The following SLC14A2 variants were observed in gnomAD, a reference collection of about 807,000 sequenced individuals.
SLC14A2 encodes urea transporter 2.
A neutral mutation model predicts 104.6 loss-of-function variants in SLC14A2; 91 were observed. That is an observed-to-expected ratio of 0.87 (90% CI 0.73 to 1.04). The LOEUF (loss-of-function observed/expected upper bound fraction) is 1.04. Ranked by LOEUF, SLC14A2 falls within the 50% of genes least tolerant of loss-of-function variation. The pLI is 0.00. For missense variants in SLC14A2, 1,189 were observed against 1,156.0 expected (o/e 1.03, Z -0.41); for synonymous variants, 476 against 466.4 (o/e 1.02, Z -0.27).
chr18:45,237,028 G>A (rs73425912), intron 1 of SLC14A2, among the ~76,000 whole-genome samples: 22,705 of 152,040 alleles, frequency 0.15, 2,253 homozygotes, highest in African/African-American at 0.29. Flanking sequence ...ACTGTAACTC[G>A]GAGGTCACAA....
intron 1 of SLC14A2, among the ~76,000 whole-genome samples, chr18:45,465,818 AG>A (rs2087131198): frequency 6.6e-6 from 1 of 152,178 alleles, no homozygotes; most frequent in African/African-American, 2.4e-5. Context: ...GGACTCTGGA[AG>A]GGCATGGATG....
chr18:45,273,657 A>T (rs886315474), intron 1 of SLC14A2, among the ~76,000 whole-genome samples: 89 of 152,156 alleles, frequency 5.8e-4, no homozygotes, highest in African/African-American at 2.1e-3. Context: ...GGGTGTGCAA[A>T]TGAAGTCCAA....
At chr18:45,275,779 T>C (rs1242867695) in intron 1 of SLC14A2, among the ~76,000 whole-genome samples, 1 of 152,184 alleles carries the variant, frequency 6.6e-6, no homozygotes, top group African/African-American at 2.4e-5. Context: ...AAGTGATCAG[T>C]TGTTTACTAT....
At chr18:45,641,937 C>T (rs187372516) in intron 8 of SLC14A2, among the ~76,000 whole-genome samples, 1 of 152,214 alleles carries the variant, frequency 6.6e-6, no homozygotes, top group African/African-American at 2.4e-5. Flanking sequence ...ATCCCAGCAC[C>T]ATACCCTGTT....
intron 1 of SLC14A2, among the ~76,000 whole-genome samples, chr18:45,279,341 T>C (rs775789252): frequency 1.3e-5 from 2 of 152,188 alleles, no homozygotes; most frequent in Admixed American, 6.5e-5. Flanking sequence ...AAGGTGAAGT[T>C]TCCTCGTACT....
chr18:45,663,151 A>G (rs145861632), intron 10 of SLC14A2, among the ~76,000 whole-genome samples: 86 of 152,278 alleles, frequency 5.6e-4, no homozygotes, highest in African/African-American at 1.9e-3. Context: ...TTGTTAAAAT[A>G]CAGATTCTGA....
chr18:45,582,991 G>T (rs1041701571), intron 2 of SLC14A2, among the ~76,000 whole-genome samples: 3 of 152,148 alleles, frequency 2.0e-5, no homozygotes, highest in African/African-American at 7.2e-5. Context: ...TCAAAGCTTT[G>T]TTTCTTGCAT....
intron 1 of SLC14A2, among the ~76,000 whole-genome samples, chr18:45,477,053 A>G (rs2087394994): frequency 6.6e-6 from 1 of 152,180 alleles, no homozygotes. Flanking sequence ...CCTTTGGAGA[A>G]GAGGAGTTCT....
intron 16 of SLC14A2, among the ~76,000 whole-genome samples, chr18:45,672,308 T>C (rs1301704763): frequency 6.6e-6 from 1 of 152,160 alleles, no homozygotes. Context: ...GGCAGGCGGA[T>C]CACCTGAGGT....
chr18:45,653,132 G>C (rs1321626397), intron 10 of SLC14A2, among the ~76,000 whole-genome samples: 1 of 151,962 alleles, frequency 6.6e-6, no homozygotes, highest in Non-Finnish European at 1.5e-5. Context: ...AAACGTGAAG[G>C]CTCCGTGTTA....
intron 1 of SLC14A2, among the ~76,000 whole-genome samples, chr18:45,445,970 AG>A (rs2086762858): frequency 6.6e-6 from 1 of 152,248 alleles, no homozygotes; most frequent in African/African-American, 2.4e-5. Flanking sequence ...AAGGCAGAGC[AG>A]TAAGCAAAGA....
the SLC14A2 span, among the ~76,000 whole-genome samples, chr18:45,194,625 G>A: frequency 1.6e-4 from 24 of 150,414 alleles, no homozygotes; most frequent in Non-Finnish European, 3.2e-4. Flanking sequence ...GCATCTCTAT[G>A]AGGGATATTG....
chr18:45,649,229 G>A (rs1359489187), intron 10 of SLC14A2, among the ~76,000 whole-genome samples: 1 of 151,954 alleles, frequency 6.6e-6, no homozygotes, highest in African/African-American at 2.4e-5. Context: ...ATAAAAACAA[G>A]ATGAAAAATA....
intron 1 of SLC14A2, among the ~76,000 whole-genome samples, chr18:45,474,215 C>T (rs1319867605): frequency 1.3e-5 from 2 of 152,138 alleles, no homozygotes; most frequent in African/African-American, 4.8e-5. Context: ...CCTTGCATCC[C>T]GGGGTTGAAG....
At chr18:45,322,994 T>C (rs80185868) in intron 1 of SLC14A2, among the ~76,000 whole-genome samples, 2,976 of 152,352 alleles carry the variant, frequency 0.02, 40 homozygotes, top group South Asian at 0.046. Context: ...GTTGAAATTA[T>C]ATTCTTTTCG....
intron 1 of SLC14A2, among the ~76,000 whole-genome samples, chr18:45,259,344 A>C (rs1034508588): frequency 7.9e-5 from 12 of 152,200 alleles, no homozygotes; most frequent in Admixed American, 6.5e-4. Context: ...GGGCAGGGGA[A>C]AGAAACAGCA....
At chr18:45,179,086 T>G in the SLC14A2 span, among the ~76,000 whole-genome samples, 1 of 152,148 alleles carries the variant, frequency 6.6e-6, no homozygotes, top group Non-Finnish European at 1.5e-5. Flanking sequence ...AAATGAAGTC[T>G]TCCCAAGTGA....
chr18:45,676,408 A>G (rs1161624357), intron 18 of SLC14A2, among the ~76,000 whole-genome samples: 2 of 152,234 alleles, frequency 1.3e-5, no homozygotes, highest in Non-Finnish European at 2.9e-5. Flanking sequence ...AGGACATTAC[A>G]GGATATCCCT....
chr18:45,362,152 C>T (rs1197077685), intron 1 of SLC14A2, among the ~76,000 whole-genome samples: 2 of 152,218 alleles, frequency 1.3e-5, no homozygotes, highest in Non-Finnish European at 1.5e-5. Context: ...GCTCTCCTGC[C>T]AGCTTATGAA....
Sources: gnomAD v4.1 joint callset for allele counts (sites outside exome capture counted in the v4.1 genomes callset) on GRCh38, gnomAD v4.1.1 for gene constraint, MANE v1.5 for transcripts, NCBI Gene and HGNC (gene_info 2026-07-23, HGNC 2026-07-21) for gene names.